The following GABRA5 variants were observed in gnomAD, a reference collection of about 807,000 sequenced individuals.
GABRA5 encodes the protein gamma-aminobutyric acid type A receptor subunit alpha5.
A neutral mutation model predicts 47.3 loss-of-function variants in GABRA5; 18 were observed. That is an observed-to-expected ratio of 0.38 (90% CI 0.26 to 0.56). The LOEUF is 0.56. Ranked by LOEUF, GABRA5 falls within the 20% of genes least tolerant of loss-of-function variation. The pLI is 0.71. For missense variants in GABRA5, 365 were observed against 599.3 expected (o/e 0.61, Z 4.08); for synonymous variants, 237 against 229.3 (o/e 1.03, Z -0.30).
rs1032505827 is a variant in GABRA5 at position 26,867,528 on chromosome 15, G to A, written c.-140+417G>A. 3 of 152,474 alleles carry A rather than the reference G, an allele frequency of 2.0e-5. No homozygotes were observed. The highest frequency in any genetic ancestry group is 4.4e-5 in the Non-Finnish European group (3 of 68,408). 9.4% of individuals were successfully genotyped at this position (152,474 alleles called of 1,614,324 possible). ...CGTGGCCGGGGAGGAGAGGTGCAGA[G>A]CAGGCGGGGCGCGCAGCCAGGCCAG... On this transcript the variant is annotated intron_variant, in intron 1 of 10. Transcript: ENST00000335625. This position sits in a 1 kb window ranked among gnomAD's most constrained non-coding sequence, Gnocchi z 5.9.
At chr15:26,934,697 G>A (rs1894194206) in intron 7 of GABRA5, among the ~76,000 whole-genome samples, 1 of 152,164 alleles carries the variant, frequency 6.6e-6, no homozygotes, top group Admixed American at 6.5e-5. Context: ...GAGGCTGAGA[G>A]CTCAAAGAGG....
At chr15:26,947,245 A>G (rs975316645) in intron 10 of GABRA5, among the ~76,000 whole-genome samples, 3 of 152,178 alleles carry the variant, frequency 2.0e-5, no homozygotes, top group Admixed American at 6.5e-5. Context: ...TCAGAGGTAC[A>G]TGTGCAGGTT....
intron 7 of GABRA5, among the ~76,000 whole-genome samples, chr15:26,934,624 C>T (rs1371742896): frequency 6.7e-6 from 1 of 149,588 alleles, no homozygotes; most frequent in African/African-American, 2.5e-5. Flanking sequence ...ATTCACATAT[C>T]CACTTTGTCA....
chr15:26,903,427 G>A (rs1039822936), intron 6 of GABRA5, among the ~76,000 whole-genome samples: 1 of 152,070 alleles, frequency 6.6e-6, no homozygotes, highest in African/African-American at 2.4e-5. Context: ...AAGTGTGCAT[G>A]TCTCTTTATC....
chr15:26,907,741 C>T (rs901264937), intron 6 of GABRA5, among the ~76,000 whole-genome samples: 4 of 152,282 alleles, frequency 2.6e-5, no homozygotes, highest in South Asian at 2.1e-4. Context: ...GACTTACCAA[C>T]GTTTCTGTTC....
At chr15:26,909,947 A>G (rs556557157) in intron 6 of GABRA5, among the ~76,000 whole-genome samples, 2 of 152,372 alleles carry the variant, frequency 1.3e-5, no homozygotes, top group South Asian at 4.1e-4. Context: ...CGATTTGAAG[A>G]AGATTTTAGT....
chr15:26,876,340 C>G (rs1028900070), intron 3 of GABRA5, among the ~76,000 whole-genome samples: 1 of 151,984 alleles, frequency 6.6e-6, no homozygotes, highest in African/African-American at 2.4e-5. Flanking sequence ...ATGAGACAGT[C>G]GGAGGTTAAG....
chr15:26,888,820 G>T (rs1892938807), intron 6 of GABRA5, among the ~76,000 whole-genome samples: 1 of 152,210 alleles, frequency 6.6e-6, no homozygotes, highest in Non-Finnish European at 1.5e-5. Context: ...TCACCTTAGG[G>T]AATGTCCCCC....
intron 6 of GABRA5, among the ~76,000 whole-genome samples, chr15:26,888,461 C>T (rs1395403586): frequency 6.6e-6 from 1 of 152,158 alleles, no homozygotes; most frequent in Non-Finnish European, 1.5e-5. Flanking sequence ...CCTTCCTTTG[C>T]AGGGCTGGAG....
intron 3 of GABRA5, among the ~76,000 whole-genome samples, chr15:26,880,378 G>A (rs1364245470): frequency 6.6e-6 from 1 of 152,092 alleles, no homozygotes; most frequent in African/African-American, 2.4e-5. Flanking sequence ...AGGATGCAGT[G>A]AGGTTTGGGA....
At chr15:26,880,989 G>A in intron 4 of GABRA5, 22 bp downstream of exon 4, 1 of 1,612,500 alleles carries the variant, frequency 6.2e-7, no homozygotes, top group Non-Finnish European at 8.5e-7. Context: ...CTCCTCAGCT[G>A]AGCCCAGCAA....
chr15:26,925,215 T>C (rs1273536273), intron 7 of GABRA5, among the ~76,000 whole-genome samples: 2 of 152,084 alleles, frequency 1.3e-5, no homozygotes, highest in Admixed American at 6.5e-5. Flanking sequence ...ATTTTTTTTT[T>C]CTGTCTCATC....
At chr15:26,879,938 A>G (rs1178034312) in intron 3 of GABRA5, among the ~76,000 whole-genome samples, 2 of 152,194 alleles carry the variant, frequency 1.3e-5, no homozygotes, top group Non-Finnish European at 1.5e-5. Context: ...TTTGCAGTCA[A>G]GTGCTCAGTA....
intron 7 of GABRA5, among the ~76,000 whole-genome samples, chr15:26,927,239 G>A (rs926110715): frequency 8.6e-5 from 13 of 151,312 alleles, no homozygotes; most frequent in African/African-American, 3.2e-4. Flanking sequence ...AACTAGCTGG[G>A]ATTACAGGTG....
chr15:26,869,289 A>G lies in GABRA5; in HGVS notation c.41A>G (p.Asn14Ser), dbSNP rs776923906. 6.2e-7 allele frequency: 1 copy of G among 1,603,502 alleles called. No individual in the cohort carries two copies. The highest frequency in any genetic ancestry group is 8.5e-7 in the Non-Finnish European group (1 of 1,171,014). The change falls in exon 3 of 11, where the codon AAC becomes AGC. Residue 14 changes from asparagine to serine, a missense_variant. By Grantham distance (46) the Asn-to-Ser change is conservative (BLOSUM62 1). Transcript: ENST00000335625. Reference sequence around the variant, plus strand: ...TTCTCTGGTTTTATCATGATCAAAAACCTCCTTCTCTTTTGTATTTCCATG... The same window carrying G: ...TTCTCTGGTTTTATCATGATCAAAAGCCTCCTTCTCTTTTGTATTTCCATG... ...GMFSGFIMIK[N>S]LLLFCISMNL...
At chr15:26,905,611 A>G (rs1429367151) in intron 6 of GABRA5, among the ~76,000 whole-genome samples, 2 of 151,668 alleles carry the variant, frequency 1.3e-5, no homozygotes, top group Non-Finnish European at 2.9e-5. Context: ...CCCATTATGT[A>G]TCATTTGATA....
intron 6 of GABRA5, among the ~76,000 whole-genome samples, chr15:26,886,719 A>G (rs1257995358): frequency 5.3e-5 from 8 of 152,200 alleles, no homozygotes; most frequent in Admixed American, 4.6e-4. Context: ...CATGCCCAGA[A>G]GGGAGCCAAG....
chr15:26,869,041 G>A (rs1278910036), intron 2 of GABRA5, 134 bp from the exon 3 acceptor site: 1 of 524,100 alleles, frequency 1.9e-6, no homozygotes, highest in African/African-American at 1.9e-5. Flanking sequence ...AATACCTGGT[G>A]TGCAGCTGTC....
intron 6 of GABRA5, among the ~76,000 whole-genome samples, chr15:26,901,157 C>G (rs909028621): frequency 6.6e-6 from 1 of 152,004 alleles, no homozygotes; most frequent in African/African-American, 2.4e-5. Flanking sequence ...CATAAGTTTT[C>G]CATTTCTTTG....
Sources: allele counts gnomAD v4.1 joint callset (sites outside exome capture counted in the v4.1 genomes callset), GRCh38; gene constraint gnomAD v4.1.1; non-coding constraint Gnocchi (gnomAD v3.1); transcripts MANE v1.5; gene names NCBI Gene and HGNC (gene_info 2026-07-23, HGNC 2026-07-21).